The following ATXN1 variants were observed in gnomAD, a reference collection of about 807,000 sequenced individuals.
The protein encoded by ATXN1 is ataxin 1, also known as ataxin-1.
Under a neutral mutation model 56.4 loss-of-function variants are expected in ATXN1, and 8 were observed. The observed-to-expected ratio is 0.14, with a 90% confidence interval of 0.08 to 0.26. The LOEUF is 0.26. Ranked by LOEUF, ATXN1 falls within the 10% of genes least tolerant of loss-of-function variation. ATXN1 has a pLI of 1.00. For synonymous variants in ATXN1, 514 were observed against 494.6 expected (o/e 1.04, Z -0.52); for missense variants, 987 against 1,106.5 (o/e 0.89, Z 1.53).
intron 6 of ATXN1, among the ~76,000 whole-genome samples, chr6:16,477,132 C>T (rs890986498): frequency 6.6e-6 from 1 of 152,292 alleles, no homozygotes; most frequent in Non-Finnish European, 1.5e-5. Flanking sequence ...AAAGACCCAC[C>T]TTGAGTCTCT....
intron 6 of ATXN1, among the ~76,000 whole-genome samples, chr6:16,342,137 C>A (rs1333566355): frequency 6.6e-6 from 1 of 151,974 alleles, no homozygotes; most frequent in African/African-American, 2.4e-5. Context: ...CCTACCTTGG[C>A]CTCCCAACGT....
chr6:16,431,934 G>A (rs149636473), intron 6 of ATXN1, among the ~76,000 whole-genome samples: 3 of 152,162 alleles, frequency 2.0e-5, no homozygotes, highest in South Asian at 2.1e-4. Flanking sequence ...GAGAGATCGC[G>A]GGGGAGCCAA....
chr6:16,524,311 GA>G (rs1446973813), intron 4 of ATXN1, among the ~76,000 whole-genome samples: 5 of 152,130 alleles, frequency 3.3e-5, no homozygotes, highest in Non-Finnish European at 7.4e-5. Flanking sequence ...TGCTCCAATT[GA>G]AAAAAACTGC....
intron 3 of ATXN1, among the ~76,000 whole-genome samples, chr6:16,592,508 G>A (rs1214671005): frequency 6.6e-6 from 1 of 152,104 alleles, no homozygotes; most frequent in Non-Finnish European, 1.5e-5. Flanking sequence ...ACAGTTAGAC[G>A]TATTAGTCAC....
chr6:16,471,455 A>T (rs2113639323), intron 6 of ATXN1, among the ~76,000 whole-genome samples: 1 of 152,288 alleles, frequency 6.6e-6, no homozygotes, highest in East Asian at 1.9e-4. Flanking sequence ...AAGAATCTAG[A>T]TATGTGAATG....
chr6:16,616,950 T>C (rs62389045), intron 3 of ATXN1, among the ~76,000 whole-genome samples: 4,901 of 151,882 alleles, frequency 0.032, 104 homozygotes, highest in Non-Finnish European at 0.05. Flanking sequence ...TATATTTTTA[T>C]ATAAGTATTT....
chr6:16,575,806 G>A (rs1762410492), intron 4 of ATXN1, among the ~76,000 whole-genome samples: 2 of 152,140 alleles, frequency 1.3e-5, no homozygotes, highest in South Asian at 4.1e-4. Context: ...AACTCTACCT[G>A]GAGAAAAAGG....
intron 3 of ATXN1, among the ~76,000 whole-genome samples, chr6:16,617,361 C>A (rs576006665): frequency 8.4e-4 from 128 of 151,762 alleles, no homozygotes; most frequent in African/African-American, 3.0e-3. Flanking sequence ...GTTTTAAAAT[C>A]TGACTAAATT....
At chr6:16,556,393 T>C (rs1762014524) in intron 4 of ATXN1, among the ~76,000 whole-genome samples, 1 of 152,232 alleles carries the variant, frequency 6.6e-6, no homozygotes, top group African/African-American at 2.4e-5. Flanking sequence ...GTCTTTTTAC[T>C]TCGTTGGCAA....
intron 6 of ATXN1, among the ~76,000 whole-genome samples, chr6:16,344,394 T>C (rs1761331195): frequency 6.6e-6 from 1 of 152,184 alleles, no homozygotes; most frequent in African/African-American, 2.4e-5. Context: ...GATAAACATT[T>C]GGGTCATGGG....
At chr6:16,539,012 T>C (rs74839173) in intron 4 of ATXN1, among the ~76,000 whole-genome samples, 10,380 of 152,072 alleles carry the variant, frequency 0.068, 493 homozygotes, top group Middle Eastern at 0.13. Flanking sequence ...ACCTATCCTC[T>C]CCTCACTACT....
At chr6:16,733,538 C>T (rs1420047295) in intron 2 of ATXN1, among the ~76,000 whole-genome samples, 6 of 150,562 alleles carry the variant, frequency 4.0e-5, no homozygotes, top group Non-Finnish European at 8.9e-5. Context: ...CACTCCAGTT[C>T]GGACAACAGA....
rs1167985157 is a variant in ATXN1, at chr6:16,760,276, C to T, written c.-730+1022G>A. Reference sequence around the variant, plus strand: ...CTCCTCCTCCTTCCCCTCCTCCTGGCTTCATTCACCCTCCCAGCAGCCGCG... The same window carrying T: ...CTCCTCCTCCTTCCCCTCCTCCTGGTTTCATTCACCCTCCCAGCAGCCGCG... On this transcript the variant is annotated intron_variant, in intron 1 of 7. Transcript: ENST00000436367. This position sits in a 1 kb window ranked among gnomAD's most constrained non-coding sequence, Gnocchi z 5.3. 6.6e-6 allele frequency among the ~76,000 whole-genome samples: 1 copy of T among 151,998 alleles called. No homozygotes were observed. The highest frequency in any genetic ancestry group is 1.5e-5 in the Non-Finnish European group (1 of 67,968).
chr6:16,537,359 A>T (rs934564668), intron 4 of ATXN1, among the ~76,000 whole-genome samples: 10 of 152,030 alleles, frequency 6.6e-5, no homozygotes, highest in African/African-American at 2.4e-4. Flanking sequence ...GGGAGAGCCA[A>T]CTCTGCTCAC....
rs748929817 is a variant in ATXN1 at position 16,440,648 on chromosome 6, A to AAAAAAGAAAG, written c.-161+45323_-161+45324insCTTTCTTTTT. Reference sequence around the variant, plus strand: ...AGAGTGAGACCCTGTCTTAAAAAAAAAAAAGAAAAGAAAAGAAAAAATTAA... The same window carrying AAAAAAGAAAG: ...AGAGTGAGACCCTGTCTTAAAAAAAAAAAAAGAAAGAAAAGAAAAGAAAAGAAAAAATTAA... On this transcript the variant is annotated intron_variant, in intron 6 of 7. Coordinates refer to ENST00000436367, the MANE Select transcript of ATXN1 (RefSeq NM_001128164.2). Among the ~76,000 whole-genome samples, 3 of 118,548 alleles carry AAAAAAGAAAG rather than the reference A, an allele frequency of 2.5e-5. 1 individual carries two copies. Among genetic ancestry groups the AAAAAAGAAAG allele is most frequent in the Non-Finnish European group, 5.0e-5 (3 of 59,904 alleles). The allele number at this position is 118,548 out of a possible 152,430, so 77.8% of individuals were successfully genotyped here.
chr6:16,360,091 C>T (rs948981520), intron 6 of ATXN1, among the ~76,000 whole-genome samples: 9 of 151,856 alleles, frequency 5.9e-5, no homozygotes, highest in Admixed American at 2.0e-4. Context: ...ATAAAAAAGA[C>T]AGAAGAAAAT....
At chr6:16,459,888 A>G (rs1329804208) in intron 6 of ATXN1, among the ~76,000 whole-genome samples, 7 of 152,176 alleles carry the variant, frequency 4.6e-5, no homozygotes, top group African/African-American at 1.7e-4. Flanking sequence ...CTTTCTAGCT[A>G]ATCAAGGGTA....
At chr6:16,347,935 G>C (rs192446771) in intron 6 of ATXN1, among the ~76,000 whole-genome samples, 1 of 152,166 alleles carries the variant, frequency 6.6e-6, no homozygotes, top group Non-Finnish European at 1.5e-5. Flanking sequence ...GATCTATACT[G>C]CCTGTATGAG....
chr6:16,579,504 C>G (rs1762489520), intron 4 of ATXN1, among the ~76,000 whole-genome samples: 1 of 137,634 alleles, frequency 7.3e-6, no homozygotes, highest in African/African-American at 2.7e-5. Context: ...CCCGCCGATT[C>G]ATTCCCAAGT....
Sources: gnomAD v4.1 joint callset for allele counts (sites outside exome capture counted in the v4.1 genomes callset) on GRCh38, gnomAD v4.1.1 for gene constraint, Gnocchi (gnomAD v3.1) non-coding constraint, MANE v1.5 for transcripts, NCBI Gene and HGNC (gene_info 2026-07-23, HGNC 2026-07-21) for gene names.